Variants in CROCC2 observed in about 807,000 individuals in gnomAD.
CROCC2 encodes the protein ciliary rootlet coiled-coil, rootletin family member 2, also known as ciliary rootlet coiled-coil protein 2.
In CROCC2, 163 loss-of-function variants were observed where a neutral mutation model predicts 177.6. The observed-to-expected ratio is 0.92, with a 90% confidence interval of 0.81 to 1.05. The LOEUF (loss-of-function observed/expected upper bound fraction) is 1.05. Ranked by LOEUF, CROCC2 falls within the 50% of genes least tolerant of loss-of-function variation. The pLI, the probability that CROCC2 is intolerant of heterozygous loss-of-function variation, is 0.00. For synonymous variants in CROCC2, 904 were observed against 787.3 expected (o/e 1.15, Z -2.48); for missense variants, 1,929 against 1,797.8 (o/e 1.07, Z -1.32).
intron 18 of CROCC2, chr2:240,950,738 T>G (rs971456663): frequency 1.6e-5 from 8 of 501,352 alleles, no homozygotes; most frequent in African/African-American, 1.6e-4. Flanking sequence ...CACTTGCCCA[T>G]CCATCCATCC....
Position 240,982,506 on chromosome 2 carries a change from T to G in CROCC2, c.4402-374T>G, listed in dbSNP as rs1574796947. ...CAGGCTCCAGGAGCCTTGGGGAGGG[T>G]CACCTCAGGCTTTATCCCAAGGGCA... On this transcript the variant is annotated intron_variant, in intron 27 of 31. Transcript: ENST00000690015. The surrounding 1 kb of genome is among the most constrained non-coding windows in gnomAD (Gnocchi z 4.7). The G allele has an allele frequency of 1.2e-5, 2 of 169,480 alleles. No individual in the cohort carries two copies. Among genetic ancestry groups the G allele is most frequent in the Non-Finnish European group, 2.5e-5 (2 of 80,396 alleles). The allele number at this position is 169,480 out of a possible 1,614,324, so 10.5% of individuals were successfully genotyped here. A position where few individuals can be genotyped will look rare whatever the true frequency, so the allele number is the denominator to read the frequency against.
At chr2:240,967,289 T>C in intron 25 of CROCC2, 56 bp from the exon 26 acceptor site, 1 of 619,120 alleles carries the variant, frequency 1.6e-6, no homozygotes, top group Non-Finnish European at 3.0e-6. Context: ...AGCAGACACC[T>C]TGGCCCTCCA....
chr2:240,945,224 C>G (rs1331744997), intron 14 of CROCC2, among the ~76,000 whole-genome samples: 4 of 152,218 alleles, frequency 2.6e-5, no homozygotes, highest in Non-Finnish European at 5.9e-5. Flanking sequence ...GCGTGAGCCG[C>G]CTCAGCTGGC....
intron 19 of CROCC2, among the ~76,000 whole-genome samples, chr2:240,956,626 G>T (rs1049915388): frequency 2.6e-5 from 4 of 152,234 alleles, no homozygotes; most frequent in Non-Finnish European, 4.4e-5. Flanking sequence ...TGGAGCCCAA[G>T]TCCAGGGGGC....
chr2:240,962,080 T>TCA (rs549496278), intron 20 of CROCC2, among the ~76,000 whole-genome samples: 15,758 of 89,378 alleles, frequency 0.18, 1,980 homozygotes, highest in East Asian at 0.36. Context: ...GCACTCACAC[T>TCA]CACACACACA....
rs1373683918 is a variant in CROCC2, at chr2:240,946,262, G to A, written c.2363+9G>A. 6.6e-7 allele frequency: 1 copy of A among 1,519,388 alleles called. No individual in the cohort carries two copies. Among genetic ancestry groups the A allele is most frequent in the East Asian group, 2.5e-5 (1 of 40,140 alleles). 94.1% of individuals were successfully genotyped at this position (1,519,388 alleles called of 1,614,324 possible). A position where few individuals can be genotyped will look rare whatever the true frequency, so the allele number is the denominator to read the frequency against. ...GAGGCAGCTGATCTCAGGTATGCAA[G>A]GGCCTGCCAGTCAGGGCATGTCCCA... On this transcript the variant is annotated intron_variant, in intron 15 of 31. Transcript: ENST00000690015.
At chr2:240,984,211 G>C (rs1301232350) in intron 28 of CROCC2, among the ~76,000 whole-genome samples, 3 of 152,166 alleles carry the variant, frequency 2.0e-5, no homozygotes, top group African/African-American at 7.2e-5. Flanking sequence ...GAGGCCAGGT[G>C]GAGGCACCCT....
intron 1 of CROCC2, among the ~76,000 whole-genome samples, chr2:240,909,245 C>CGTGAGCTCTACCTCCTCCACCTGGG (rs2059272151): frequency 2.0e-5 from 2 of 100,952 alleles, no homozygotes; most frequent in African/African-American, 1.0e-4. Context: ...CTCCACCTGG[C>CGTGAGCTCTACCTCCTCCACCTGGG]GTGAGCTCTA....
chr2:240,987,723 C>T (rs1286065965), intron 28 of CROCC2, among the ~76,000 whole-genome samples: 1 of 152,254 alleles, frequency 6.6e-6, no homozygotes, highest in East Asian at 1.9e-4. Flanking sequence ...TTGGGGCCAA[C>T]AGAGGACTGA....
chr2:240,949,921 G>A lies in CROCC2; in HGVS notation c.2652+219G>A, dbSNP rs116284643. Among the ~76,000 whole-genome samples the A allele has an allele frequency of 9.1e-4, 138 of 152,306 alleles. 1 individual carries two copies. The highest frequency in any genetic ancestry group is 3.4e-3 in the Middle Eastern group (1 of 294). On this transcript the variant is annotated intron_variant, in intron 17 of 31. Transcript: ENST00000690015. The surrounding 1 kb of genome is among the most constrained non-coding windows in gnomAD (Gnocchi z 4.5). ...TTGGGCTTGGGTTTGTATTTGGGGCGGGCCTCCCTCATGGAAGAGGCTGGA... is the reference window on the plus strand; with the variant it reads ...TTGGGCTTGGGTTTGTATTTGGGGCAGGCCTCCCTCATGGAAGAGGCTGGA...
At chr2:240,961,648 T>C (rs371064428) in intron 20 of CROCC2, among the ~76,000 whole-genome samples, 54 of 122,654 alleles carry the variant, frequency 4.4e-4, no homozygotes, top group East Asian at 2.5e-3. Flanking sequence ...TCACACACGC[T>C]CATCACACAC....
rs987655119 is a variant in CROCC2, at chr2:240,958,656, A to G, written c.2944-645A>G. On this transcript the variant is annotated intron_variant, in intron 19 of 31. Coordinates refer to ENST00000690015, the MANE Select transcript of CROCC2 (RefSeq NM_001351305.2). The surrounding 1 kb of genome is among the most constrained non-coding windows in gnomAD (Gnocchi z 6.7). ...CAGGGGTGCAGAGCCTGAGCAGGGCAGGGCTCGGACCCTTCATGTTGAGGA... is the reference window on the plus strand; with the variant it reads ...CAGGGGTGCAGAGCCTGAGCAGGGCGGGGCTCGGACCCTTCATGTTGAGGA... The G allele has an allele frequency of 5.5e-6, 5 of 908,668 alleles. No individual in the cohort carries two copies. The African/African-American group carries it at 7.2e-5, about 13-fold the overall frequency. The allele number at this position is 908,668 out of a possible 1,614,324, so 56.3% of individuals were successfully genotyped here. A position where few individuals can be genotyped will look rare whatever the true frequency, so the allele number is the denominator to read the frequency against.
intron 17 of CROCC2, 69 bp from the exon 18 acceptor site, chr2:240,950,265 C>T (rs375144746): frequency 3.6e-5 from 53 of 1,477,146 alleles, no homozygotes; most frequent in African/African-American, 2.8e-4. Flanking sequence ...CCAGGTCTCA[C>T]TCAGGACCAT....
At chr2:240,957,510 G>T (rs1461119638) in intron 19 of CROCC2, 3 of 152,394 alleles carry the variant, frequency 2.0e-5, no homozygotes, top group Admixed American at 2.0e-4. Context: ...CGCCTGCTGG[G>T]GGGCCGGGGC....
intron 28 of CROCC2, chr2:240,983,353 A>G: frequency 7.8e-7 from 1 of 1,287,686 alleles, no homozygotes; most frequent in Non-Finnish European, 1.0e-6. Flanking sequence ...AGCCAGCCTT[A>G]GATGGAACGA....
At chr2:240,955,157 G>T (rs1230558664) in intron 18 of CROCC2, 1 of 152,140 alleles carries the variant, frequency 6.6e-6, no homozygotes, top group African/African-American at 2.4e-5. Flanking sequence ...TGAGCTGCCA[G>T]AACTGGGTCT....
rs776506269 is a variant in CROCC2 at position 240,973,125 on chromosome 2, T to A, written c.4401+4863T>A. On this transcript the variant is annotated intron_variant, in intron 27 of 31. Coordinates refer to ENST00000690015, the MANE Select transcript of CROCC2 (RefSeq NM_001351305.2). The surrounding 1 kb of genome is among the most constrained non-coding windows in gnomAD (Gnocchi z 4.7). ...ACTTCTTTTGCTTTCATGGGTTGGT[T>A]TTTCCCCTGTTTCACATAAGCCGAT... Among the ~76,000 whole-genome samples the A allele has an allele frequency of 9.2e-5, 14 of 152,206 alleles. No individual in the cohort carries two copies. Among genetic ancestry groups the A allele is most frequent in the Non-Finnish European group, 1.3e-4 (9 of 68,034 alleles).
chr2:240,932,949 G>T, intron 9 of CROCC2, 41 bp downstream of exon 9: 1 of 1,540,046 alleles, frequency 6.5e-7, no homozygotes. Context: ...TCTCCCTGAG[G>T]GCAGAAACAT....
At chr2:240,913,169 G>A (rs190669789) in intron 1 of CROCC2, among the ~76,000 whole-genome samples, 274 of 152,160 alleles carry the variant, frequency 1.8e-3, no homozygotes, top group Non-Finnish European at 2.8e-3. Flanking sequence ...AGGCCCTCAC[G>A]GTCTGGAGCC....
Sources: allele counts gnomAD v4.1 joint callset (sites outside exome capture counted in the v4.1 genomes callset), GRCh38; gene constraint gnomAD v4.1.1; non-coding constraint Gnocchi (gnomAD v3.1); transcripts MANE v1.5; gene names NCBI Gene and HGNC (gene_info 2026-07-23, HGNC 2026-07-21).